RABGEF1: variants seen among roughly 807,000 people sequenced by gnomAD.
The protein encoded by RABGEF1 is rab5 GDP/GTP exchange factor.
Under a neutral mutation model 57.3 loss-of-function variants are expected in RABGEF1, and 26 were observed. The observed-to-expected ratio is 0.45, with a 90% CI of 0.33 to 0.63. RABGEF1 has a LOEUF of 0.63. Among genes scored for constraint, RABGEF1 ranks in the 20% least tolerant of loss-of-function variants. The pLI is 0.02. For missense variants in RABGEF1, 464 were observed against 607.6 expected, an observed-to-expected ratio of 0.76 and a Z score of 2.48; for synonymous variants, 185 against 210.7, an observed-to-expected ratio of 0.88 and a Z score of 1.06.
upstream of RABGEF1, among the ~76,000 whole-genome samples, chr7:66,737,122 A>AGAC (rs1798083124): frequency 8.8e-6 from 1 of 113,374 alleles, no homozygotes; most frequent in African/African-American, 3.2e-5. Flanking sequence ...GAGAGAGAGA[A>AGAC]TCTTGCTGTG....
chr7:66,707,371 G>C (rs562360614), intron 1 of RABGEF1, among the ~76,000 whole-genome samples: 1 of 151,828 alleles, frequency 6.6e-6, no homozygotes, highest in South Asian at 2.1e-4. Context: ...TTTTTTTTCT[G>C]ATCTGATATC....
Position 66,697,958 on chromosome 7 carries a change from G to A in RABGEF1, c.-872-14209G>A, listed in dbSNP as rs552520954. On this transcript the variant is annotated intron_variant and NMD_transcript_variant, in intron 1 of 9. Coordinates refer to the RABGEF1 transcript ENST00000607882. ...AGCCTCTTCCTTATTGGGAAGCCCG[G>A]CCCTCTCCATCCCCACTACCTAGGC... Among the ~76,000 whole-genome samples the A allele has an allele frequency of 1.8e-4, 28 of 152,118 alleles. 1 individual carries two copies. In the East Asian group the frequency reaches 5.2e-3, roughly 28 times the overall value.
rs1789298731 is a variant in RABGEF1, at chr7:66,810,436, G to A, written c.*1152G>A. ...CCAGACATAGTCAGATGTCTCCTGG[G>A]GCCATATCACCCCTCCGTTAAGAAC... is the stretch of plus-strand genomic sequence containing the variant. On this transcript the variant is annotated 3_prime_UTR_variant, in exon 9 of 9. Coordinates refer to ENST00000284957, the MANE Select transcript of RABGEF1 (RefSeq NM_014504.3). 6.6e-6 allele frequency: 1 copy of A among 152,014 alleles called. No individual in the cohort carries two copies. The highest frequency in any genetic ancestry group is 6.6e-5 in the Admixed American group (1 of 15,240). The allele number at this position is 152,014 out of a possible 1,614,324, so 9.4% of individuals were successfully genotyped here. A position where few individuals can be genotyped will look rare whatever the true frequency, so the allele number is the denominator to read the frequency against.
intron 2 of RABGEF1, among the ~76,000 whole-genome samples, chr7:66,729,774 T>C (rs1485036228): frequency 2.6e-5 from 4 of 152,238 alleles, no homozygotes; most frequent in Non-Finnish European, 5.9e-5. Context: ...AGATGATGGA[T>C]GGATGTGGCC....
the RABGEF1 span, among the ~76,000 whole-genome samples, chr7:66,665,652 A>G: frequency 6.6e-6 from 1 of 152,190 alleles, no homozygotes; most frequent in Non-Finnish European, 1.5e-5. Context: ...AAGAGAATCT[A>G]GAACATCGTA....
intron 2 of RABGEF1, among the ~76,000 whole-genome samples, chr7:66,715,773 C>T (rs1181835740): frequency 2.6e-5 from 4 of 151,740 alleles, no homozygotes; most frequent in African/African-American, 7.3e-5. Flanking sequence ...AGATGGGTCT[C>T]GGCTGTGTTA....
upstream of RABGEF1, among the ~76,000 whole-genome samples, chr7:66,681,589 AT>A (rs1374781434): frequency 3.5e-5 from 1 of 28,546 alleles, no homozygotes; most frequent in African/African-American, 2.1e-4. Flanking sequence ...TTTTGTAGAG[AT>A]GGGGGCTCTC....
chr7:66,655,381 G>T, the RABGEF1 span, among the ~76,000 whole-genome samples: 33 of 152,294 alleles, frequency 2.2e-4, no homozygotes, highest in Admixed American at 2.0e-3. Context: ...ACCAGTCCTT[G>T]CGGTTGGGAA....
At position 66,779,270 on chromosome 7, in the gene RABGEF1, G is replaced by A. The variant is rs112661568; in HGVS notation, c.346+3877G>A. Among the ~76,000 whole-genome samples the A allele has an allele frequency of 6.2e-4, 95 of 152,144 alleles. 1 individual carries two copies. Among genetic ancestry groups the A allele is most frequent in the African/African-American group, 2.0e-3 (85 of 41,516 alleles). On this transcript the variant is annotated intron_variant, in intron 3 of 8. Coordinates refer to ENST00000284957, the MANE Select transcript of RABGEF1 (RefSeq NM_014504.3). Reference sequence around the variant, plus strand: ...TATGATCCCAGCACTTTGGGAGGCCGAGGCAGGTGGATCACCTAAGGTCGG... The same window carrying A: ...TATGATCCCAGCACTTTGGGAGGCCAAGGCAGGTGGATCACCTAAGGTCGG...
chr7:66,699,147 G>A (rs1302128465), intron 1 of RABGEF1, among the ~76,000 whole-genome samples: 3 of 152,134 alleles, frequency 2.0e-5, no homozygotes, highest in African/African-American at 7.2e-5. Context: ...TTTCCTCGTG[G>A]GTCCATTCTC....
chr7:66,702,837 TG>T, intron 1 of RABGEF1, among the ~76,000 whole-genome samples: 1 of 152,308 alleles, frequency 6.6e-6, no homozygotes, highest in East Asian at 1.9e-4. Context: ...GTCTTTTTGT[TG>T]TTCAGTTTTG....
At chr7:66,751,078 G>A (rs1341515440) in intron 1 of RABGEF1, among the ~76,000 whole-genome samples, 1 of 149,030 alleles carries the variant, frequency 6.7e-6, no homozygotes, top group Non-Finnish European at 1.5e-5. Context: ...TCGCCTAGGC[G>A]GGAGTGCAGT....
the RABGEF1 span, among the ~76,000 whole-genome samples, chr7:66,673,428 T>C: frequency 6.6e-6 from 1 of 151,942 alleles, no homozygotes; most frequent in African/African-American, 2.4e-5. Flanking sequence ...CAGTCATGGC[T>C]GGATCTGAGC....
chr7:66,767,792 T>C (rs760725755), intron 1 of RABGEF1, among the ~76,000 whole-genome samples: 36 of 152,228 alleles, frequency 2.4e-4, no homozygotes, highest in Non-Finnish European at 4.4e-4. Flanking sequence ...GATCTTGAAC[T>C]TGCCAGCTTC....
chr7:66,793,824 G>C (rs1813332801), intron 4 of RABGEF1, among the ~76,000 whole-genome samples: 1 of 152,182 alleles, frequency 6.6e-6, no homozygotes, highest in Non-Finnish European at 1.5e-5. Flanking sequence ...TTAGAGTTAA[G>C]CCAGATGGTC....
At chr7:66,780,508 G>A (rs1286535224) in intron 3 of RABGEF1, among the ~76,000 whole-genome samples, 2 of 152,182 alleles carry the variant, frequency 1.3e-5, no homozygotes, top group South Asian at 2.1e-4. Flanking sequence ...TTGTCAGATG[G>A]AGTGTTATGT....
intron 4 of RABGEF1, among the ~76,000 whole-genome samples, chr7:66,792,673 T>A (rs553592913): frequency 5.9e-5 from 9 of 152,298 alleles, no homozygotes; most frequent in African/African-American, 2.2e-4. Context: ...ACAAAGGCAG[T>A]CATTGCCTTT....
chr7:66,692,648 C>A (rs1791689705), intron 1 of RABGEF1, among the ~76,000 whole-genome samples: 1 of 152,178 alleles, frequency 6.6e-6, no homozygotes, highest in South Asian at 2.1e-4. Context: ...AGTGGTGGGA[C>A]TGGGGAGTCA....
intron 1 of RABGEF1, 111 bp from the exon 2 acceptor site, chr7:66,771,770 CCT>C (rs1339690137): frequency 1.7e-5 from 11 of 649,988 alleles, no homozygotes; most frequent in Non-Finnish European, 1.2e-5. Flanking sequence ...TCCCTCCATC[CCT>C]CTCTTAACAG....
Sources: allele counts gnomAD v4.1 joint callset (sites outside exome capture counted in the v4.1 genomes callset), GRCh38; gene constraint gnomAD v4.1.1; transcripts MANE v1.5; gene names NCBI Gene and HGNC (gene_info 2026-07-23, HGNC 2026-07-21).